APAF1: variants seen among roughly 807,000 people sequenced by gnomAD.
APAF1 encodes the protein apoptotic peptidase activating factor 1.
Under a neutral mutation model 152.4 loss-of-function variants are expected in APAF1, and 91 were observed. The observed-to-expected ratio is 0.60, with a 90% CI of 0.50 to 0.71. The LOEUF (loss-of-function observed/expected upper bound fraction) is 0.71, where lower values mean the gene tolerates loss of function less well. APAF1 is among the 30% of genes least tolerant of loss of function. The pLI is 0.00. For synonymous variants in APAF1, 484 were observed against 494.1 expected (o/e 0.98, Z 0.27); for missense variants, 1,283 against 1,472.0 (o/e 0.87, Z 2.10).
At chr12:98,715,333 C>T in intron 21 of APAF1, 94 bp from the exon 22 acceptor site, 1 of 1,104,618 alleles carries the variant, frequency 9.1e-7, no homozygotes, top group Non-Finnish European at 1.3e-6. Context: ...AAATTCTGTA[C>T]CCTCCAGTCT....
chr12:98,666,278 G>A lies in APAF1; in HGVS notation c.1283G>A (p.Arg428Gln), dbSNP rs1263053370. Residue 428 changes from arginine to glutamine, a missense_variant, in exon 9 of 27, where the codon CGG becomes CAG. Coordinates refer to ENST00000551964, the MANE Select transcript of APAF1 (RefSeq NM_181861.2). ...AATAAGTCTCTTTTATTCTGTGATC[G>A]GAATGGAAAGTCGTTTCGTTATTAT... ...FVNKSLLFCD[R>Q]NGKSFRYYLH... is the part of the protein sequence containing the mutation. 2.5e-6 allele frequency: 4 copies of A among 1,613,470 alleles called. No homozygotes were observed. The highest frequency in any genetic ancestry group is 3.4e-6 in the Non-Finnish European group (4 of 1,179,718).
At chr12:98,688,034 G>A (rs1228591611) in intron 16 of APAF1, among the ~76,000 whole-genome samples, 1 of 151,898 alleles carries the variant, frequency 6.6e-6, no homozygotes, top group Admixed American at 6.6e-5. Flanking sequence ...CTGGGGACCT[G>A]TTTTTACTTA....
chr12:98,688,591 C>T (rs1222991100), intron 16 of APAF1, among the ~76,000 whole-genome samples: 1 of 150,568 alleles, frequency 6.6e-6, no homozygotes, highest in Middle Eastern at 3.5e-3. Flanking sequence ...GTACTTCAGC[C>T]TCTCAAGTAA....
rs2118851 is a variant in APAF1 at position 98,645,548 on chromosome 12, C to G, written c.-329C>G. 0.073 allele frequency: 11,166 copies of G among 152,412 alleles called. 565 individuals are homozygous for G. The highest frequency in any genetic ancestry group is 0.21 in the East Asian group (1,063 of 5,120). The allele number at this position is 152,412 out of a possible 1,614,324, so 9.4% of individuals were successfully genotyped here. ...GCGGCCCGTGGGCCGGGCCTCACCG[C>G]GGCGCTCCGGGACTGTGGGGTCAGG... On this transcript the variant is annotated 5_prime_UTR_variant, in exon 1 of 27. Transcript: ENST00000551964.
At position 98,712,306 on chromosome 12, in the gene APAF1, C is replaced by T. The variant is rs533334479; in HGVS notation, c.2842-13C>T. The T allele has an allele frequency of 3.3e-6, 5 of 1,534,118 alleles. No individual in the cohort carries two copies. Among genetic ancestry groups the T allele is most frequent in the East Asian group, 2.2e-5 (1 of 44,500 alleles). On this transcript the variant is annotated splice_polypyrimidine_tract_variant and intron_variant, in intron 20 of 26. Coordinates refer to ENST00000551964, the MANE Select transcript of APAF1 (RefSeq NM_181861.2). ...TACAGCCTAATAACTGATTTTGCCT[C>T]ATTTTTCATTAGCTCATTAATGGAA...
In APAF1 at chr12:98,667,557, G is replaced by C. The variant is rs1261895310; in HGVS notation, c.1407G>C (p.Gln469His). ...KIITQFQRYHQPHTLSPDQED... is the reference protein window; with the variant it reads ...KIITQFQRYHHPHTLSPDQED... ...TCACTCAGTTTCAGAGATATCACCA[G>C]CCGCATACTCTTTCACCAGATCAGG... Residue 469 changes from glutamine to histidine, a missense_variant, in exon 10 of 27, where the codon CAG becomes CAC. Coordinates refer to ENST00000551964, the MANE Select transcript of APAF1 (RefSeq NM_181861.2). 5.6e-6 allele frequency: 9 copies of C among 1,613,990 alleles called. No individual in the cohort carries two copies. Among genetic ancestry groups the C allele is most frequent in the Non-Finnish European group, 7.6e-6 (9 of 1,179,964 alleles).
intron 14 of APAF1, among the ~76,000 whole-genome samples, chr12:98,681,251 A>T (rs1237192181): frequency 6.6e-6 from 1 of 152,072 alleles, no homozygotes; most frequent in African/African-American, 2.4e-5. Flanking sequence ...TGGTAGAGAC[A>T]GAGTTTTGCC....
chr12:98,675,272 AG>A (rs1433317866), intron 12 of APAF1, among the ~76,000 whole-genome samples: 4 of 152,146 alleles, frequency 2.6e-5, no homozygotes, highest in African/African-American at 9.7e-5. Flanking sequence ...TTATTTGTCT[AG>A]TACTTTTGGG....
In APAF1 at chr12:98,677,535, C is replaced by G; in HGVS notation, c.1904C>G (p.Ala635Gly). The change falls in exon 13 of 27, where the codon GCT becomes GGT. Residue 635 changes from alanine to glycine, a missense_variant. Transcript: ENST00000551964. Reference protein sequence around the residue: ...EDGQRIASCGADKTLQVFKAE... With the variant: ...EDGQRIASCGGDKTLQVFKAE... Reference sequence around the variant, plus strand: ...GGTCAGAGAATAGCTTCTTGTGGAGCTGATAAAACCTTACAGGTAAAACAC... The same window carrying G: ...GGTCAGAGAATAGCTTCTTGTGGAGGTGATAAAACCTTACAGGTAAAACAC... 2 of 1,614,096 alleles carry G rather than the reference C, an allele frequency of 1.2e-6. No individual in the cohort carries two copies. Among genetic ancestry groups the G allele is most frequent in the Non-Finnish European group, 1.7e-6 (2 of 1,180,020 alleles).
intron 6 of APAF1, 28 bp from the exon 7 acceptor site, chr12:98,662,647 T>G (rs776607206): frequency 4.3e-6 from 7 of 1,612,382 alleles, no homozygotes; most frequent in Admixed American, 3.3e-5. Flanking sequence ...CCAAATTACT[T>G]ACTTTGTCTT....
chr12:98,673,075 A>G (rs1205575637), intron 12 of APAF1, among the ~76,000 whole-genome samples: 1 of 152,086 alleles, frequency 6.6e-6, no homozygotes, highest in Non-Finnish European at 1.5e-5. Flanking sequence ...TATTTACCTT[A>G]TAAAAATGTA....
At chr12:98,666,091 G>A (rs2097672318) in intron 8 of APAF1, 99 bp from the exon 9 acceptor site, 1 of 1,121,760 alleles carries the variant, frequency 8.9e-7, no homozygotes, top group South Asian at 1.3e-5. Flanking sequence ...TCTTACTCAG[G>A]GCTTTAAGAT....
intron 21 of APAF1, among the ~76,000 whole-genome samples, chr12:98,714,489 G>A (rs1168334695): frequency 6.6e-6 from 1 of 152,166 alleles, no homozygotes; most frequent in Non-Finnish European, 1.5e-5. Flanking sequence ...TTTTAAAGAT[G>A]TCTAAACTCT....
At position 98,671,053 on chromosome 12, in the gene APAF1, A is replaced by G. The variant is rs2097679484; in HGVS notation, c.1575A>G (p.Glu525=). The G allele has an allele frequency of 6.2e-7, 1 of 1,611,076 alleles. No homozygotes were observed. The highest frequency in any genetic ancestry group is 1.1e-5 in the South Asian group (1 of 90,982). ...ELVGPAHLIH[E]FVEYRHILDE... is the part of the protein sequence containing the mutation. The stretch of plus-strand genomic sequence containing the variant: ...TAGGCCCTGCTCATCTGATTCATGA[A>G]TTTGTGGAATACAGACATATACTAG... The change falls in exon 11 of 27, where the codon GAA becomes GAG. Residue 525 remains glutamate (E), a synonymous_variant. Coordinates refer to ENST00000551964, the MANE Select transcript of APAF1 (RefSeq NM_181861.2).
chr12:98,707,634 A>G, intron 19 of APAF1, among the ~76,000 whole-genome samples: 1 of 151,316 alleles, frequency 6.6e-6, no homozygotes, highest in Non-Finnish European at 1.5e-5. Context: ...AGCATTATGT[A>G]TGAATTATAG....
chr12:98,683,403 A>G, intron 15 of APAF1, 129 bp downstream of exon 15: 1 of 945,978 alleles, frequency 1.1e-6, no homozygotes, highest in East Asian at 2.5e-5. Flanking sequence ...ATAATATATT[A>G]GCTGAAGCAA....
intron 20 of APAF1, 94 bp from the exon 21 acceptor site, chr12:98,712,225 G>GTTTTA: frequency 1.3e-6 from 1 of 777,764 alleles, no homozygotes. Flanking sequence ...TATTTTCTGT[G>GTTTTA]TTTTATTTTA....
At chr12:98,665,254 G>A (rs893788371) in intron 7 of APAF1, among the ~76,000 whole-genome samples, 3 of 73,694 alleles carry the variant, frequency 4.1e-5, no homozygotes, top group African/African-American at 1.1e-4. Context: ...TTAGACTGGC[G>A]CATATATATA....
chr12:98,682,210 C>T (rs1423062156), intron 14 of APAF1, among the ~76,000 whole-genome samples: 8 of 152,018 alleles, frequency 5.3e-5, no homozygotes, highest in Non-Finnish European at 8.8e-5. Flanking sequence ...GCCGCCACCG[C>T]GCCTGGCTAA....
Sources: allele counts gnomAD v4.1 joint callset (sites outside exome capture counted in the v4.1 genomes callset), GRCh38; gene constraint gnomAD v4.1.1; transcripts MANE v1.5; gene names NCBI Gene and HGNC (gene_info 2026-07-23, HGNC 2026-07-21).